The following STPG2 variants were observed in gnomAD, a reference collection of about 807,000 sequenced individuals.
STPG2 encodes sperm-tail PG-rich repeat-containing protein 2.
A neutral mutation model predicts 54.2 loss-of-function variants in STPG2; 56 were observed. The observed-to-expected ratio is 1.03, with a 90% CI of 0.83 to 1.29. STPG2 has a LOEUF of 1.29. Among genes scored for constraint, STPG2 ranks in the 50% most tolerant of loss-of-function variants. The probability of loss-of-function intolerance (pLI) is 0.00; values close to 1 mark genes in which losing one functional copy is unlikely to be tolerated. For missense variants in STPG2, 596 were observed against 544.9 expected, an observed-to-expected ratio of 1.09 and a Z score of -0.93; for synonymous variants, 200 against 181.8, an observed-to-expected ratio of 1.10 and a Z score of -0.81.
intron 10 of STPG2, among the ~76,000 whole-genome samples, chr4:97,656,769 A>G (rs1315601679): frequency 1.3e-5 from 2 of 151,586 alleles, no homozygotes; most frequent in Non-Finnish European, 2.9e-5. Context: ...ATGAGATTTA[A>G]TTAAATTTTA....
intron 9 of STPG2, among the ~76,000 whole-genome samples, chr4:97,808,795 A>G (rs1727650691): frequency 1.3e-5 from 2 of 150,508 alleles, no homozygotes; most frequent in South Asian, 4.2e-4. Flanking sequence ...AAACCAAAGA[A>G]AGTTTATATA....
chr4:97,865,464 A>T (rs992548686), intron 8 of STPG2, among the ~76,000 whole-genome samples: 1 of 152,196 alleles, frequency 6.6e-6, no homozygotes, highest in African/African-American at 2.4e-5. Flanking sequence ...ATGTGGAAAA[A>T]TAGGAACACT....
intron 5 of STPG2, among the ~76,000 whole-genome samples, chr4:98,079,454 A>G (rs908367344): frequency 6.6e-6 from 1 of 152,184 alleles, no homozygotes; most frequent in African/African-American, 2.4e-5. Flanking sequence ...ACTACCTGCC[A>G]CTTTTGACTG....
chr4:97,923,534 G>A (rs575885133), intron 8 of STPG2, among the ~76,000 whole-genome samples: 54 of 152,370 alleles, frequency 3.5e-4, no homozygotes, highest in Admixed American at 6.5e-4. Context: ...AAGGGATTGT[G>A]AATGCACCAA....
At chr4:97,827,387 C>A (rs1016358130) in intron 9 of STPG2, among the ~76,000 whole-genome samples, 3 of 151,972 alleles carry the variant, frequency 2.0e-5, no homozygotes, top group Non-Finnish European at 2.9e-5. Flanking sequence ...AGGCGCCCAC[C>A]ACCATGTCCG....
chr4:97,563,279 A>T (rs1299174073), intron 10 of STPG2, among the ~76,000 whole-genome samples: 1 of 150,948 alleles, frequency 6.6e-6, no homozygotes, highest in Non-Finnish European at 1.5e-5. Context: ...CTGTGGGATC[A>T]GTGGTGATAT....
chr4:97,713,325 A>G (rs76133057), intron 9 of STPG2, among the ~76,000 whole-genome samples: 1,535 of 152,286 alleles, frequency 0.01, 27 homozygotes, highest in African/African-American at 0.035. Context: ...CTAAATAAGG[A>G]TTTTTGTACT....
intron 4 of STPG2, among the ~76,000 whole-genome samples, chr4:97,452,120 A>ACCCCCCCCCCCCCCCCC (rs70953067): frequency 5.1e-5 from 1 of 19,442 alleles, no homozygotes; most frequent in Non-Finnish European, 8.7e-5. Context: ...CCCCGCCCCC[A>ACCCCCCCCCCCCCCCCC]CCCCCCCCCC....
chr4:98,132,821 C>T lies in STPG2; in HGVS notation c.222+1526G>A, dbSNP rs113005559. 5.9e-3 allele frequency among the ~76,000 whole-genome samples: 893 copies of T among 151,776 alleles called. 6 individuals are homozygous for T. The highest frequency in any genetic ancestry group is 0.02 in the Middle Eastern group (6 of 294). ...ACTTGAAACTCAAAACTAAAATTTGCTGTACTTGGAGCACTTTGAGAGAGT... is the reference window on the plus strand; with the variant it reads ...ACTTGAAACTCAAAACTAAAATTTGTTGTACTTGGAGCACTTTGAGAGAGT... On this transcript the variant is annotated intron_variant, in intron 2 of 10. Coordinates refer to ENST00000295268, the MANE Select transcript of STPG2 (RefSeq NM_174952.3).
intron 10 of STPG2, among the ~76,000 whole-genome samples, chr4:97,579,780 A>G (rs1241992254): frequency 1.3e-5 from 2 of 152,028 alleles, no homozygotes; most frequent in African/African-American, 4.8e-5. Context: ...ATTTAATCAG[A>G]TTTATAAAAT....
chr4:97,756,628 C>T (rs924527115), intron 9 of STPG2, among the ~76,000 whole-genome samples: 3 of 152,016 alleles, frequency 2.0e-5, no homozygotes, highest in African/African-American at 7.2e-5. Context: ...GCCCGGCCTC[C>T]CTGTAGTTTC....
intron 5 of STPG2, among the ~76,000 whole-genome samples, chr4:98,069,904 G>GT (rs1737948389): frequency 1.3e-5 from 2 of 151,942 alleles, no homozygotes; most frequent in Non-Finnish European, 2.9e-5. Context: ...TTCCCTGGAA[G>GT]TAAGGATGGG....
At chr4:97,518,721 C>A (rs1343608926) in intron 4 of STPG2, among the ~76,000 whole-genome samples, 1 of 151,962 alleles carries the variant, frequency 6.6e-6, no homozygotes, top group Non-Finnish European at 1.5e-5. Flanking sequence ...CATTTCATAC[C>A]AGGTTAAATG....
Position 97,753,236 on chromosome 4 carries a change from C to A in STPG2, c.1205-40422G>T, listed in dbSNP as rs567449416. ...ATACATCCATTAAATAGTAACCTACCTTTTCTCCTCCTCAGACCCTGGCAA... is the reference window on the plus strand; with the variant it reads ...ATACATCCATTAAATAGTAACCTACATTTTCTCCTCCTCAGACCCTGGCAA... On this transcript the variant is annotated intron_variant, in intron 9 of 10. Coordinates refer to ENST00000295268, the MANE Select transcript of STPG2 (RefSeq NM_174952.3). Among the ~76,000 whole-genome samples the A allele has an allele frequency of 3.9e-5, 6 of 151,966 alleles. No individual in the cohort carries two copies. In the South Asian group the frequency reaches 6.2e-4, roughly 16 times the overall value.
chr4:97,589,697 T>C (rs1733088979), intron 10 of STPG2, among the ~76,000 whole-genome samples: 1 of 152,194 alleles, frequency 6.6e-6, no homozygotes, highest in Non-Finnish European at 1.5e-5. Context: ...GTCATGAATG[T>C]TCCCGGCAAT....
At chr4:97,770,232 T>A (rs900429810) in intron 9 of STPG2, among the ~76,000 whole-genome samples, 1 of 151,712 alleles carries the variant, frequency 6.6e-6, no homozygotes, top group Non-Finnish European at 1.5e-5. Flanking sequence ...TAAAATAAAA[T>A]ACATGAAAAA....
intron 10 of STPG2, among the ~76,000 whole-genome samples, chr4:97,628,677 T>C (rs1049473451): frequency 6.6e-6 from 1 of 152,118 alleles, no homozygotes; most frequent in African/African-American, 2.4e-5. Context: ...AGAATTCAGT[T>C]ATTACAGCCT....
At chr4:97,444,555 A>G (rs959792011) in intron 4 of STPG2, among the ~76,000 whole-genome samples, 1 of 152,212 alleles carries the variant, frequency 6.6e-6, no homozygotes, top group Admixed American at 6.5e-5. Context: ...AAAAGGGAAA[A>G]GAAATAAAGA....
At chr4:97,701,317 G>A (rs1578491496) in intron 10 of STPG2, among the ~76,000 whole-genome samples, 2 of 152,094 alleles carry the variant, frequency 1.3e-5, no homozygotes, top group Admixed American at 1.3e-4. Flanking sequence ...TCAGACCTGA[G>A]CTAAAACCCC....
Sources: allele counts gnomAD v4.1 joint callset (sites outside exome capture counted in the v4.1 genomes callset), GRCh38; gene constraint gnomAD v4.1.1; transcripts MANE v1.5; gene names NCBI Gene and HGNC (gene_info 2026-07-23, HGNC 2026-07-21).